NEK1: variants seen among roughly 807,000 people sequenced by gnomAD.
NEK1 encodes the protein NIMA related kinase 1.
In NEK1, 137 loss-of-function variants were observed where a neutral mutation model predicts 182.1. The observed-to-expected ratio is 0.75, with a 90% CI of 0.65 to 0.87. The LOEUF (loss-of-function observed/expected upper bound fraction) is 0.87, where lower values mean the gene tolerates loss of function less well. Among genes scored for constraint, NEK1 ranks in the 40% least tolerant of loss-of-function variants. The pLI is 0.00. For missense variants in NEK1, 1,391 were observed against 1,494.4 expected (o/e 0.93, Z 1.14); for synonymous variants, 513 against 492.2 (o/e 1.04, Z -0.56).
At chr4:169,467,359 T>C (rs1330236487) in intron 26 of NEK1, among the ~76,000 whole-genome samples, 2 of 152,118 alleles carry the variant, frequency 1.3e-5, no homozygotes, top group Non-Finnish European at 2.9e-5. Flanking sequence ...AATAATCTTA[T>C]ACCATATATG....
chr4:169,526,474 G>A (rs1756921369), intron 19 of NEK1, among the ~76,000 whole-genome samples: 1 of 152,160 alleles, frequency 6.6e-6, no homozygotes, highest in Non-Finnish European at 1.5e-5. Flanking sequence ...CTGGGTGACA[G>A]AGGGAAACCC....
chr4:169,561,306 A>G (rs1284601628), intron 16 of NEK1, among the ~76,000 whole-genome samples, 174 bp downstream of exon 16: 2 of 152,230 alleles, frequency 1.3e-5, no homozygotes, highest in Non-Finnish European at 2.9e-5. Flanking sequence ...CACAAGTTAC[A>G]TATCAGATAC....
intron 19 of NEK1, among the ~76,000 whole-genome samples, chr4:169,529,074 G>A (rs1372774639): frequency 6.6e-6 from 1 of 152,148 alleles, no homozygotes; most frequent in Non-Finnish European, 1.5e-5. Context: ...TGAACTGAAT[G>A]AGAATGAAAA....
chr4:169,429,213 G>T (rs759417264), intron 29 of NEK1, among the ~76,000 whole-genome samples: 1 of 152,088 alleles, frequency 6.6e-6, no homozygotes, highest in Non-Finnish European at 1.5e-5. Context: ...ACTAAAGGAT[G>T]GCTGTATACA....
intron 28 of NEK1, among the ~76,000 whole-genome samples, chr4:169,436,202 C>A (rs1385263552): frequency 6.6e-6 from 1 of 152,196 alleles, no homozygotes; most frequent in Non-Finnish European, 1.5e-5. Flanking sequence ...CTGAGCCTGG[C>A]CTAAAATTGT....
intron 27 of NEK1, among the ~76,000 whole-genome samples, chr4:169,449,669 G>A (rs1741322029): frequency 6.6e-6 from 1 of 152,246 alleles, no homozygotes; most frequent in South Asian, 2.1e-4. Context: ...ACCCCACCTG[G>A]AGGTCACCAA....
intron 16 of NEK1, 85 bp from the exon 17 acceptor site, chr4:169,556,180 C>A (rs1321801749): frequency 8.2e-7 from 1 of 1,213,938 alleles, no homozygotes; most frequent in Non-Finnish European, 1.1e-6. Context: ...AAGTAAATTT[C>A]AATGCTTCAC....
At chr4:169,490,439 A>G (rs555411521) in intron 23 of NEK1, among the ~76,000 whole-genome samples, 2 of 152,282 alleles carry the variant, frequency 1.3e-5, no homozygotes, top group Non-Finnish European at 1.5e-5. Flanking sequence ...GCAGGAAAAC[A>G]TGACACCATC....
intron 26 of NEK1, among the ~76,000 whole-genome samples, chr4:169,470,749 G>T (rs1303544363): frequency 6.6e-6 from 1 of 152,106 alleles, no homozygotes; most frequent in Non-Finnish European, 1.5e-5. Context: ...TCACTTTCAG[G>T]TACACCAATC....
intron 18 of NEK1, among the ~76,000 whole-genome samples, chr4:169,552,090 A>C (rs1761507480): frequency 1.3e-5 from 2 of 152,236 alleles, no homozygotes; most frequent in Middle Eastern, 3.4e-3. Flanking sequence ...GGAGTAGTGA[A>C]AGTTGTTGCT....
chr4:169,431,614 A>G (rs1388782802), intron 29 of NEK1, among the ~76,000 whole-genome samples: 1 of 152,126 alleles, frequency 6.6e-6, no homozygotes, highest in Non-Finnish European at 1.5e-5. Flanking sequence ...AAATATTTAA[A>G]TGTATAAAGC....
At chr4:169,432,281 C>T (rs1391164296) in intron 29 of NEK1, among the ~76,000 whole-genome samples, 1 of 152,148 alleles carries the variant, frequency 6.6e-6, no homozygotes, top group East Asian at 1.9e-4. Context: ...AAATGGGGTT[C>T]AGACATTCTT....
At chr4:169,610,016 C>CTTTTTT (rs538596187) in intron 2 of NEK1, among the ~76,000 whole-genome samples, 1 of 135,320 alleles carries the variant, frequency 7.4e-6, no homozygotes, top group Non-Finnish European at 1.6e-5. Context: ...CTAAGAATTT[C>CTTTTTT]TTTTTTTTTT....
chr4:169,533,164 A>G (rs1757944140), intron 19 of NEK1, among the ~76,000 whole-genome samples: 1 of 152,198 alleles, frequency 6.6e-6, no homozygotes, highest in African/African-American at 2.4e-5. Flanking sequence ...TTTGTGTTAA[A>G]TGCAATGACT....
intron 29 of NEK1, among the ~76,000 whole-genome samples, chr4:169,432,041 T>C (rs1737542639): frequency 6.7e-6 from 1 of 148,392 alleles, no homozygotes; most frequent in Non-Finnish European, 1.5e-5. Flanking sequence ...TACTAATTTA[T>C]AAAAGACCAA....
intron 27 of NEK1, among the ~76,000 whole-genome samples, chr4:169,439,565 ATGTC>A (rs1293157060): frequency 1.3e-5 from 2 of 152,214 alleles, no homozygotes; most frequent in Non-Finnish European, 2.9e-5. Flanking sequence ...CAATAAAATC[ATGTC>A]TATTAACACC....
In NEK1 at chr4:169,537,816, C is replaced by T; in HGVS notation, c.1658G>A (p.Gly553Glu). The change falls in exon 19 of 36, where the codon GGA (glycine) becomes GAA (glutamate). Residue 553 changes from glycine (G) to glutamate (E), a missense_variant. Physicochemically the swap from Gly to Glu is moderately conservative, Grantham distance 98. Around this residue, in one of 5 missense-constraint regions of NEK1, gnomAD observed 1,216 missense variants for 1,277.6 expected, o/e 0.95. Transcript: ENST00000507142. ...AACAAACAAAATTCATACCATATGT[C>T]CTTCGGCTCGAGCTTTATTCTGCAT... ...EAMQNKARAE[G>E]HMGILQNLAA... 2 of 1,611,758 alleles carry T rather than the reference C, an allele frequency of 1.2e-6. No individual in the cohort carries two copies. Among genetic ancestry groups the T allele is most frequent in the Non-Finnish European group, 1.7e-6 (2 of 1,178,126 alleles).
intron 19 of NEK1, among the ~76,000 whole-genome samples, chr4:169,530,048 T>C (rs917380952): frequency 6.6e-6 from 1 of 152,208 alleles, no homozygotes; most frequent in Admixed American, 6.5e-5. Flanking sequence ...CCTGGGTATT[T>C]ATCCTATGGA....
chr4:169,611,568 A>T (rs1772330030), intron 2 of NEK1, among the ~76,000 whole-genome samples: 1 of 152,232 alleles, frequency 6.6e-6, no homozygotes, highest in Admixed American at 6.5e-5. Context: ...AGAACAAAAA[A>T]TAGGCCTGCA....
Sources: gnomAD v4.1 joint callset for allele counts (sites outside exome capture counted in the v4.1 genomes callset) on GRCh38, gnomAD v4.1.1 for gene constraint, gnomAD v4.1.1 regional missense constraint, MANE v1.5 for transcripts, NCBI Gene and HGNC (gene_info 2026-07-23, HGNC 2026-07-21) for gene names.